Variants in FHIT observed in about 807,000 individuals in gnomAD.
The protein encoded by FHIT is bis(5'-adenosyl)-triphosphatase.
Under a neutral mutation model 17.9 loss-of-function variants are expected in FHIT, and 19 were observed. The observed-to-expected ratio is 1.06, with a 90% CI of 0.74 to 1.56. FHIT has a LOEUF of 1.56. Ranked by LOEUF, FHIT falls within the 40% of genes most tolerant of loss-of-function variation. The probability of loss-of-function intolerance (pLI) is 0.00; values close to 1 mark genes in which losing one functional copy is unlikely to be tolerated. For synonymous variants in FHIT, 81 were observed against 69.7 expected (o/e 1.16, Z -0.81); for missense variants, 248 against 189.2 (o/e 1.31, Z -1.82).
intron 5 of FHIT, among the ~76,000 whole-genome samples, chr3:60,391,125 T>G (rs1357672315): frequency 6.6e-6 from 1 of 151,916 alleles, no homozygotes; most frequent in African/African-American, 2.4e-5. Flanking sequence ...GAGGAAGAGG[T>G]TGCAGTGAGC....
chr3:60,133,650 T>C (rs1425300464), intron 5 of FHIT, among the ~76,000 whole-genome samples: 1 of 151,812 alleles, frequency 6.6e-6, no homozygotes, highest in African/African-American at 2.4e-5. Context: ...CATGGTCTGC[T>C]GTACAGCAGC....
At chr3:60,073,584 T>G (rs1702876538) in intron 5 of FHIT, among the ~76,000 whole-genome samples, 1 of 152,174 alleles carries the variant, frequency 6.6e-6, no homozygotes, top group Non-Finnish European at 1.5e-5. Flanking sequence ...ATTACCTTGC[T>G]TCTCTAACCC....
chr3:60,075,620 C>T (rs943204034), intron 5 of FHIT, among the ~76,000 whole-genome samples: 2 of 151,902 alleles, frequency 1.3e-5, no homozygotes, highest in African/African-American at 2.4e-5. Context: ...TACTGTGCAC[C>T]GTGAAGCTCT....
intron 4 of FHIT, among the ~76,000 whole-genome samples, chr3:60,695,575 T>C (rs932006266): frequency 2.0e-5 from 3 of 152,178 alleles, no homozygotes; most frequent in African/African-American, 7.2e-5. Context: ...AACTGGGGGA[T>C]AATACTGTTA....
intron 5 of FHIT, among the ~76,000 whole-genome samples, chr3:60,085,565 C>G (rs541289597): frequency 1.3e-5 from 2 of 152,232 alleles, no homozygotes; most frequent in African/African-American, 4.8e-5. Context: ...AATGTTCTCC[C>G]AGAAAGTTTC....
At chr3:60,427,396 C>T (rs944147699) in intron 5 of FHIT, among the ~76,000 whole-genome samples, 1 of 152,050 alleles carries the variant, frequency 6.6e-6, no homozygotes, top group Non-Finnish European at 1.5e-5. Flanking sequence ...TCAACTGACA[C>T]CTTGATTTCA....
intron 5 of FHIT, among the ~76,000 whole-genome samples, chr3:60,386,874 G>C (rs1259021314): frequency 6.6e-6 from 1 of 152,104 alleles, no homozygotes; most frequent in Non-Finnish European, 1.5e-5. Flanking sequence ...TAAACACAAT[G>C]AGGGCTCAGA....
At chr3:60,897,734 T>C (rs1705903426) in intron 3 of FHIT, among the ~76,000 whole-genome samples, 2 of 152,196 alleles carry the variant, frequency 1.3e-5, no homozygotes, top group Non-Finnish European at 2.9e-5. Flanking sequence ...TCATTTTCCC[T>C]AACCCCAGGT....
chr3:60,527,270 G>C (rs2035610823), intron 5 of FHIT, among the ~76,000 whole-genome samples: 1 of 152,122 alleles, frequency 6.6e-6, no homozygotes, highest in African/African-American at 2.4e-5. Flanking sequence ...AAACACTCTA[G>C]ATTTTCATGT....
At chr3:60,760,774 T>G (rs1189161507) in intron 4 of FHIT, among the ~76,000 whole-genome samples, 1 of 152,178 alleles carries the variant, frequency 6.6e-6, no homozygotes, top group Non-Finnish European at 1.5e-5. Flanking sequence ...GGTAGTGTTC[T>G]TAAGCTACCA....
At chr3:60,112,498 A>G (rs900661067) in intron 5 of FHIT, among the ~76,000 whole-genome samples, 2 of 152,178 alleles carry the variant, frequency 1.3e-5, no homozygotes, top group African/African-American at 4.8e-5. Flanking sequence ...GCAGAAAAAC[A>G]CGACTGCAGG....
chr3:60,152,584 AAG>A (rs1700513418), intron 5 of FHIT, among the ~76,000 whole-genome samples: 1 of 152,208 alleles, frequency 6.6e-6, no homozygotes, highest in African/African-American at 2.4e-5. Context: ...GGGGAGATTC[AAG>A]AAGTTTCAAA....
At chr3:59,913,879 C>T (rs1219732769) in intron 8 of FHIT, among the ~76,000 whole-genome samples, 1 of 152,130 alleles carries the variant, frequency 6.6e-6, no homozygotes, top group Non-Finnish European at 1.5e-5. Flanking sequence ...CACAGGTATA[C>T]CAGCTATTTC....
chr3:60,152,025 C>T (rs998010946), intron 5 of FHIT, among the ~76,000 whole-genome samples: 2 of 152,106 alleles, frequency 1.3e-5, no homozygotes, highest in African/African-American at 4.8e-5. Context: ...ATAAATTGCT[C>T]TATAAATTTC....
intron 7 of FHIT, among the ~76,000 whole-genome samples, chr3:59,933,973 G>A (rs867995046): frequency 6.6e-6 from 1 of 151,866 alleles, no homozygotes; most frequent in Non-Finnish European, 1.5e-5. Flanking sequence ...GCTCTGGGAG[G>A]GAAAAGAAAT....
At chr3:60,021,801 A>G (rs1700562326) in intron 5 of FHIT, among the ~76,000 whole-genome samples, 1 of 152,196 alleles carries the variant, frequency 6.6e-6, no homozygotes, top group Non-Finnish European at 1.5e-5. Flanking sequence ...TCAAGGTTAT[A>G]AAAACCTCCA....
At chr3:60,001,064 C>A (rs1699711966) in intron 7 of FHIT, among the ~76,000 whole-genome samples, 2 of 152,276 alleles carry the variant, frequency 1.3e-5, no homozygotes, top group South Asian at 4.1e-4. Flanking sequence ...GTAGCCATAC[C>A]ACCCCATTCC....
chr3:60,071,125 G>C (rs1702750546), intron 5 of FHIT, among the ~76,000 whole-genome samples: 2 of 152,100 alleles, frequency 1.3e-5, no homozygotes, highest in Admixed American at 1.3e-4. Context: ...TAGTCCTGCT[G>C]TATCAATAGA....
chr3:60,237,119 T>C (rs1559751603), intron 5 of FHIT, among the ~76,000 whole-genome samples: 1 of 152,184 alleles, frequency 6.6e-6, no homozygotes, highest in Non-Finnish European at 1.5e-5. Context: ...CTAGATCATA[T>C]TTCTTTATGA....
Sources: allele counts gnomAD v4.1 joint callset (sites outside exome capture counted in the v4.1 genomes callset), GRCh38; gene constraint gnomAD v4.1.1; transcripts MANE v1.5; gene names NCBI Gene and HGNC (gene_info 2026-07-23, HGNC 2026-07-21).